The following ARHGEF10 variants were observed in gnomAD, a reference collection of about 807,000 sequenced individuals.
ARHGEF10 encodes the protein Rho guanine nucleotide exchange factor 10, also known as Rho guanine nucleotide exchange factor (GEF) 10.
A neutral mutation model predicts 147.4 loss-of-function variants in ARHGEF10; 140 were observed. The observed-to-expected ratio is 0.95, with a 90% confidence interval of 0.83 to 1.09. The LOEUF (loss-of-function observed/expected upper bound fraction) is 1.09. Among genes scored for constraint, ARHGEF10 ranks in the 50% least tolerant of loss-of-function variants. The pLI is 0.00. For synonymous variants in ARHGEF10, 902 were observed against 695.8 expected (o/e 1.30, Z -4.67); for missense variants, 2,222 against 1,752.7 (o/e 1.27, Z -4.78).
At chr8:1,919,403 T>C (rs574414544) in intron 18 of ARHGEF10, among the ~76,000 whole-genome samples, 1 of 144,506 alleles carries the variant, frequency 6.9e-6, no homozygotes, top group South Asian at 2.3e-4. Context: ...GTTCCATGGA[T>C]GATGGAGCTG....
intron 1 of ARHGEF10, among the ~76,000 whole-genome samples, chr8:1,840,605 T>C: frequency 6.6e-6 from 1 of 151,326 alleles, no homozygotes; most frequent in East Asian, 2.0e-4. Flanking sequence ...ATGGGGACTG[T>C]CTGATGTGGA....
At chr8:1,868,804 C>T (rs561178706) in intron 6 of ARHGEF10, among the ~76,000 whole-genome samples, 1 of 152,132 alleles carries the variant, frequency 6.6e-6, no homozygotes, top group African/African-American at 2.4e-5. Context: ...ACGTCAACTT[C>T]ATAAGCTTAA....
intron 2 of ARHGEF10, among the ~76,000 whole-genome samples, chr8:1,851,899 G>A (rs1805180025): frequency 1.4e-5 from 2 of 147,474 alleles, no homozygotes; most frequent in Admixed American, 1.4e-4. Flanking sequence ...GGGCAACAGA[G>A]CATGACTCTG....
At chr8:1,914,942 T>G (rs1011944914) in intron 18 of ARHGEF10, among the ~76,000 whole-genome samples, 2 of 152,222 alleles carry the variant, frequency 1.3e-5, no homozygotes, top group African/African-American at 4.8e-5. Context: ...GTAGCTTTCC[T>G]GCAATGCGAC....
intron 8 of ARHGEF10, among the ~76,000 whole-genome samples, chr8:1,878,021 A>G (rs1016922686): frequency 5.9e-5 from 9 of 152,004 alleles, no homozygotes; most frequent in African/African-American, 2.2e-4. Context: ...TACAATTCTC[A>G]TATTCTGTGA....
chr8:1,905,601 C>T lies in ARHGEF10; in HGVS notation c.1852C>T (p.Arg618Ter), dbSNP rs756899414. The change falls in exon 17 of 29, where the codon CGA becomes TGA. Residue 618 changes from arginine (R) to a stop codon, truncating the protein, a stop_gained. Coordinates refer to ENST00000349830, the MANE Select transcript of ARHGEF10 (RefSeq NM_014629.4). LOFTEE classifies it high-confidence loss of function. Reference sequence around the variant, plus strand: ...CAGCAGTGGAAGCCGATACCTCATTCGATCAGATGATATGATAGAAACAGT... The same window carrying T: ...CAGCAGTGGAAGCCGATACCTCATTTGATCAGATGATATGATAGAAACAGT... The part of the protein sequence containing the change: ...LLSSGSRYLI[R>*]SDDMIETVYN... The T allele has an allele frequency of 3.1e-6, 5 of 1,614,178 alleles. No homozygotes were observed. The highest frequency in any genetic ancestry group is 4.2e-6 in the Non-Finnish European group (5 of 1,180,038).
chr8:1,841,214 C>T (rs1232161343), intron 1 of ARHGEF10, among the ~76,000 whole-genome samples: 3 of 152,072 alleles, frequency 2.0e-5, no homozygotes, highest in African/African-American at 2.4e-5. Context: ...ACAGTACCTA[C>T]GTCTTGGAGT....
rs1810804713 is a variant in ARHGEF10 at position 1,905,430 on chromosome 8, T to A, written c.1822-141T>A. The A allele has an allele frequency of 2.5e-5, 26 of 1,054,638 alleles. No individual in the cohort carries two copies. In the South Asian group the frequency reaches 3.3e-4, roughly 13 times the overall value. The allele number at this position is 1,054,638 out of a possible 1,614,324, so 65.3% of individuals were successfully genotyped here. On this transcript the variant is annotated intron_variant, in intron 16 of 28. Transcript: ENST00000349830. ...GGAAGGAGGCGGATGTTCAGCGCAG[T>A]CACGGGGAACATAGGAACGATTTCC...
rs1180633415 is a variant in ARHGEF10 at position 1,920,125 on chromosome 8, CTGTTCTG to C, written c.2144-2835_2144-2829del. Among the ~76,000 whole-genome samples the C allele has an allele frequency of 4.6e-5, 7 of 151,808 alleles. No individual in the cohort carries two copies. The Middle Eastern group carries it at 0.01, about 224-fold the overall frequency. The stretch of plus-strand genomic sequence containing the variant: ...TGGAGCTGTTCTGTGGGTGATGGAG[CTGTTCTG>C]TGTGCCCTGGAGTTCTCCCTCAGGC... On this transcript the variant is annotated intron_variant, in intron 18 of 28. Transcript: ENST00000349830.
At chr8:1,879,345 G>A (rs558104358) in intron 8 of ARHGEF10, among the ~76,000 whole-genome samples, 1 of 152,194 alleles carries the variant, frequency 6.6e-6, no homozygotes, top group South Asian at 2.1e-4. Flanking sequence ...TTAAATACAA[G>A]TATCTTTTGC....
At chr8:1,945,750 T>G in intron 27 of ARHGEF10, 95 bp downstream of exon 27, 1 of 1,522,292 alleles carries the variant, frequency 6.6e-7, no homozygotes, top group Non-Finnish European at 9.1e-7. Flanking sequence ...CGCTTCCCAG[T>G]GCAGGACACT....
rs1563174064 is a variant in ARHGEF10 at position 1,850,100 on chromosome 8, C to CA, written c.37+6664_37+6665insA. On this transcript the variant is annotated intron_variant, in intron 2 of 28. Coordinates refer to ENST00000349830, the MANE Select transcript of ARHGEF10 (RefSeq NM_014629.4). ...CACAGAGGGCAAATGCTGAGGAGGG[C>CA]GTGGGCCGGCTGCATGGACACAGAG... Among the ~76,000 whole-genome samples, 76 of 84,782 alleles carry CA rather than the reference C, an allele frequency of 9.0e-4. No homozygotes were observed. In the East Asian group the frequency reaches 0.011, roughly 12 times the overall value. 55.6% of individuals were successfully genotyped at this position (84,782 alleles called of 152,430 possible).
At chr8:1,883,585 C>G (rs1808398558) in intron 10 of ARHGEF10, among the ~76,000 whole-genome samples, 1 of 152,186 alleles carries the variant, frequency 6.6e-6, no homozygotes, top group Non-Finnish European at 1.5e-5. Context: ...AGGCCTTTTC[C>G]TCTTTCAGTC....
At chr8:1,907,323 G>T (rs1024254085) in intron 17 of ARHGEF10, among the ~76,000 whole-genome samples, 3 of 152,186 alleles carry the variant, frequency 2.0e-5, no homozygotes, top group Non-Finnish European at 4.4e-5. Flanking sequence ...TGGCCCCACT[G>T]TGGCTGAATC....
Position 1,867,877 on chromosome 8 carries a change from T to C in ARHGEF10, c.622+1275T>C, listed in dbSNP as rs140752492. Among the ~76,000 whole-genome samples the C allele has an allele frequency of 2.0e-5, 3 of 152,350 alleles. No individual in the cohort carries two copies. In the East Asian group the frequency reaches 5.8e-4, roughly 29 times the overall value. ...TGGAAGTTTTCATTCTGGTTTCAATTATGACGTTGTTAAAACAAAGATCTT... is the reference window on the plus strand; with the variant it reads ...TGGAAGTTTTCATTCTGGTTTCAATCATGACGTTGTTAAAACAAAGATCTT... On this transcript the variant is annotated intron_variant, in intron 6 of 28. Coordinates refer to ENST00000349830, the MANE Select transcript of ARHGEF10 (RefSeq NM_014629.4).
chr8:1,942,348 A>G (rs746220264), intron 26 of ARHGEF10, among the ~76,000 whole-genome samples: 11 of 151,642 alleles, frequency 7.3e-5, no homozygotes, highest in Non-Finnish European at 1.3e-4. Flanking sequence ...CCATAGGCAC[A>G]CGAGAAGATG....
intron 18 of ARHGEF10, among the ~76,000 whole-genome samples, chr8:1,914,430 C>T (rs1468301177): frequency 2.6e-5 from 4 of 152,338 alleles, no homozygotes; most frequent in East Asian, 3.9e-4. Context: ...GGCCCCTGCC[C>T]GATGCACTGC....
rs976846470 is a variant in ARHGEF10 at position 1,893,504 on chromosome 8, A to G, written c.1183-65A>G. The stretch of plus-strand genomic sequence containing the variant: ...ACTTATCAGCAAGCCTCAGCATAGA[A>G]GTAAAATGTATCTGTGTGTATTATA... On this transcript the variant is annotated intron_variant, in intron 11 of 28. Transcript: ENST00000349830. 3 of 1,065,032 alleles carry G rather than the reference A, an allele frequency of 2.8e-6. No homozygotes were observed. The African/African-American group carries it at 4.7e-5, about 17-fold the overall frequency. The allele number at this position is 1,065,032 out of a possible 1,614,324, so 66.0% of individuals were successfully genotyped here. A position where few individuals can be genotyped will look rare whatever the true frequency, so the allele number is the denominator to read the frequency against.
rs141069028 is a variant in ARHGEF10 at position 1,903,398 on chromosome 8, C to T, written c.1768C>T (p.Arg590Cys). 1.4e-4 allele frequency: 225 copies of T among 1,614,060 alleles called. No individual in the cohort carries two copies. Among genetic ancestry groups the T allele is most frequent in the South Asian group, 2.0e-4 (18 of 91,090 alleles). ...LNERKRDADQRCEVKQIAKAI... is the reference protein window; with the variant it reads ...LNERKRDADQCCEVKQIAKAI... ...TGAAAGAAAGAGAGATGCTGATCAA[C>T]GCTGTGAAGTGAAGCAAATAGCCAA... The change falls in exon 16 of 29, where the codon CGC (arginine) becomes TGC (cysteine). Residue 590 changes from arginine (R) to cysteine (C), a missense_variant. Transcript: ENST00000349830.
Sources: gnomAD v4.1 joint callset for allele counts (sites outside exome capture counted in the v4.1 genomes callset) on GRCh38, gnomAD v4.1.1 for gene constraint, MANE v1.5 for transcripts, NCBI Gene and HGNC (gene_info 2026-07-23, HGNC 2026-07-21) for gene names.